CCL24: variants seen among roughly 807,000 people sequenced by gnomAD.
The protein encoded by CCL24 is C-C motif chemokine ligand 24, also known as C-C motif chemokine 24.
A neutral mutation model predicts 8.6 loss-of-function variants in CCL24; 6 were observed. That is an observed-to-expected ratio of 0.70 (90% CI 0.38 to 1.38). The LOEUF is 1.38. Among genes scored for constraint, CCL24 ranks in the 40% most tolerant of loss-of-function variants. CCL24 has a pLI of 0.02. For missense variants in CCL24, 126 were observed against 147.1 expected, an observed-to-expected ratio of 0.86 and a Z score of 0.74; for synonymous variants, 59 against 52.7, an observed-to-expected ratio of 1.12 and a Z score of -0.52.
chr7:75,816,820 C>G (rs548589495), upstream of CCL24, among the ~76,000 whole-genome samples: 131 of 150,524 alleles, frequency 8.7e-4, no homozygotes, highest in Middle Eastern at 3.4e-3. Flanking sequence ...CCTCGGCCCC[C>G]CAACGTGCTG....
upstream of CCL24, among the ~76,000 whole-genome samples, chr7:75,814,146 C>A (rs554459212): frequency 1.4e-4 from 22 of 152,170 alleles, no homozygotes; most frequent in Non-Finnish European, 2.9e-4. Flanking sequence ...AGAGTCATCC[C>A]TATCTTCTCC....
In CCL24 at chr7:75,811,167, T is replaced by C. The variant is rs1186196248; in HGVS notation, c.*629A>G. Among the ~76,000 whole-genome samples, 1 of 148,498 alleles carries C rather than the reference T, an allele frequency of 6.7e-6. No homozygotes were observed. The highest frequency in any genetic ancestry group is 1.5e-5 in the Non-Finnish European group (1 of 66,858). The stretch of plus-strand genomic sequence containing the variant: ...TCCTTTAAAAAAAAAAAAATTATGA[T>C]TTTTTTTTTTCAACATAAAAGTTTG... On this transcript the variant is annotated 3_prime_UTR_variant, in exon 3 of 3. Coordinates refer to ENST00000222902, the MANE Select transcript of CCL24 (RefSeq NM_002991.3).
chr7:75,819,760 T>G (rs1405216102), intron 1 of CCL24, among the ~76,000 whole-genome samples: 5 of 152,150 alleles, frequency 3.3e-5, no homozygotes, highest in African/African-American at 9.6e-5. Context: ...ATCCTGTGTC[T>G]TCTTACTAAG....
intron 1 of CCL24, among the ~76,000 whole-genome samples, chr7:75,821,261 G>A (rs1482764293): frequency 6.6e-6 from 1 of 152,126 alleles, no homozygotes; most frequent in Non-Finnish European, 1.5e-5. Flanking sequence ...AAGCCACAGA[G>A]ATGAAGTCAA....
At chr7:75,815,068 G>A (rs181048896), upstream of CCL24, among the ~76,000 whole-genome samples, 2 of 152,272 alleles carry the variant, frequency 1.3e-5, no homozygotes, top group Admixed American at 6.5e-5. Context: ...GCCGGGAGCG[G>A]TGGCTCATGC....
At chr7:75,813,865 G>T, upstream of CCL24, 1 of 581,312 alleles carries the variant, frequency 1.7e-6, no homozygotes, top group Non-Finnish European at 3.1e-6. Flanking sequence ...ACGCCCCCGA[G>T]CCCCCTCCAC....
chr7:75,814,183 C>T (rs1803836748), upstream of CCL24, among the ~76,000 whole-genome samples: 1 of 152,142 alleles, frequency 6.6e-6, no homozygotes, highest in African/African-American at 2.4e-5. Flanking sequence ...CATTCATTCA[C>T]CCAATTATTT....
intron 2 of CCL24, among the ~76,000 whole-genome samples, chr7:75,812,800 C>T (rs143840304): frequency 2.0e-5 from 3 of 152,036 alleles, no homozygotes; most frequent in African/African-American, 4.8e-5. Context: ...CATGGTGGTG[C>T]GTACCTGTAA....
At position 75,811,589 on chromosome 7, in the gene CCL24, G is replaced by A. The variant is rs1563349655; in HGVS notation, c.*207C>T. The A allele has an allele frequency of 4.1e-6, 2 of 488,220 alleles. No homozygotes were observed. Among genetic ancestry groups the A allele is most frequent in the Non-Finnish European group, 7.2e-6 (2 of 277,430 alleles). 30.2% of individuals were successfully genotyped at this position (488,220 alleles called of 1,614,324 possible). On this transcript the variant is annotated 3_prime_UTR_variant, in exon 3 of 3. Transcript: ENST00000222902. Reference sequence around the variant, plus strand: ...TCACCCAGCTCCAGAAAGGCAAGGGGCCTTGGATGCTTGGAGCCATTGCTC... The same window carrying A: ...TCACCCAGCTCCAGAAAGGCAAGGGACCTTGGATGCTTGGAGCCATTGCTC...
rs563856016 is a variant in CCL24, at chr7:75,811,715, C to G, written c.*81G>C. The G allele has an allele frequency of 1.4e-5, 18 of 1,268,442 alleles. No individual in the cohort carries two copies. Among genetic ancestry groups the G allele is most frequent in the Admixed American group, 4.5e-5 (2 of 43,962 alleles). 78.6% of individuals were successfully genotyped at this position (1,268,442 alleles called of 1,614,324 possible). A position where few individuals can be genotyped will look rare whatever the true frequency, so the allele number is the denominator to read the frequency against. ...AAACAGGAAAATTAGCTCTTCCCCC[C>G]ATCACTGTGGCTTCTCCAGGCCCCG... On this transcript the variant is annotated 3_prime_UTR_variant, in exon 3 of 3. Transcript: ENST00000222902.
rs1415743841 is a variant in CCL24 at position 75,810,991 on chromosome 7, G to T, written c.*805C>A. 6.6e-6 allele frequency among the ~76,000 whole-genome samples: 1 copy of T among 151,580 alleles called. No homozygotes were observed. The highest frequency in any genetic ancestry group is 6.6e-5 in the Admixed American group (1 of 15,164). ...TATCTTCCCCTCACCAAAATGTGGG[G>T]TGAGCCCAGATTTGAAGGCAGTACA... On this transcript the variant is annotated 3_prime_UTR_variant, in exon 3 of 3. Transcript: ENST00000222902.
intron 1 of CCL24, among the ~76,000 whole-genome samples, chr7:75,821,820 T>C (rs1007349078): frequency 2.7e-5 from 4 of 148,662 alleles, no homozygotes; most frequent in African/African-American, 9.9e-5. Flanking sequence ...CCCAGCTACT[T>C]GGGAGGCTGA....
chr7:75,815,947 C>A (rs1333070611), upstream of CCL24, among the ~76,000 whole-genome samples: 1 of 152,142 alleles, frequency 6.6e-6, no homozygotes, highest in Non-Finnish European at 1.5e-5. Context: ...CATACCCAAC[C>A]CCTCCCTACG....
chr7:75,820,018 ACTTCTT>A (rs1204717433), intron 1 of CCL24, among the ~76,000 whole-genome samples: 4,118 of 104,404 alleles, frequency 0.039, 149 homozygotes, highest in African/African-American at 0.056. Flanking sequence ...TTAGTAAACT[ACTTCTT>A]CTTCTTCTTC....
rs11465314 is a variant in CCL24, at chr7:75,811,793, G to T, written c.*3C>A. On this transcript the variant is annotated 3_prime_UTR_variant, in exon 3 of 3. Transcript: ENST00000222902. ...AACTCAGGGCTGGAGGGCTGGGCGG[G>T]GATTAGCAGGTGGTTTGGTTGCCAG... The T allele has an allele frequency of 0.46, 741,721 of 1,608,896 alleles. 175,957 individuals carry two copies. The highest frequency in any genetic ancestry group is 0.81 in the East Asian group (36,161 of 44,652).
upstream of CCL24, among the ~76,000 whole-genome samples, chr7:75,817,504 C>A (rs913059060): frequency 8.0e-6 from 1 of 125,492 alleles, no homozygotes; most frequent in Non-Finnish European, 1.7e-5. Context: ...ACAAAATATC[C>A]AATTTTTTTT....
chr7:75,820,073 CTT>C (rs1394829132), intron 1 of CCL24, among the ~76,000 whole-genome samples: 1 of 138,354 alleles, frequency 7.2e-6, no homozygotes, highest in Non-Finnish European at 1.6e-5. Context: ...TCTTCTTCTT[CTT>C]CTTCTTCTTC....
In CCL24 at chr7:75,811,052, C is replaced by T. The variant is rs1554533349; in HGVS notation, c.*744G>A. Among the ~76,000 whole-genome samples, 1 of 151,650 alleles carries T rather than the reference C, an allele frequency of 6.6e-6. No individual in the cohort carries two copies. The highest frequency in any genetic ancestry group is 2.4e-5 in the African/African-American group (1 of 41,230). ...CCCAAGACAGCATGGAGCAACCTGT[C>T]ACAAAGCAGGGAATCTCCTTAAAGT... On this transcript the variant is annotated 3_prime_UTR_variant, in exon 3 of 3. Transcript: ENST00000222902.
intron 2 of CCL24, among the ~76,000 whole-genome samples, chr7:75,813,078 A>C (rs1297700942): frequency 1.3e-5 from 2 of 152,190 alleles, no homozygotes; most frequent in Non-Finnish European, 2.9e-5. Context: ...ACTGCACTCC[A>C]GCTTGGGTGA....
Sources: gnomAD v4.1 joint callset for allele counts (sites outside exome capture counted in the v4.1 genomes callset) on GRCh38, gnomAD v4.1.1 for gene constraint, MANE v1.5 for transcripts, NCBI Gene and HGNC (gene_info 2026-07-23, HGNC 2026-07-21) for gene names.